The following MAPK10 variants were observed in gnomAD, a reference collection of about 807,000 sequenced individuals.
MAPK10 encodes the protein JNK3 alpha protein kinase.
Under a neutral mutation model 59.3 loss-of-function variants are expected in MAPK10, and 25 were observed. The ratio of observed to expected loss-of-function variants is 0.42; its 90% CI spans 0.31 to 0.59. MAPK10 has a LOEUF of 0.59. Among genes scored for constraint, MAPK10 ranks in the 20% least tolerant of loss-of-function variants. The probability of loss-of-function intolerance (pLI) is 0.15; values close to 1 mark genes in which losing one functional copy is unlikely to be tolerated. For missense variants in MAPK10, 351 were observed against 568.9 expected, an observed-to-expected ratio of 0.62 and a Z score of 3.90; for synonymous variants, 190 against 200.5, an observed-to-expected ratio of 0.95 and a Z score of 0.44.
intron 1 of MAPK10, among the ~76,000 whole-genome samples, chr4:86,483,767 G>C (rs898647330): frequency 1.3e-4 from 20 of 152,158 alleles, no homozygotes; most frequent in Admixed American, 1.2e-3. Flanking sequence ...TCACAGTCTA[G>C]CAGGGAAAAA....
intron 2 of MAPK10, among the ~76,000 whole-genome samples, chr4:86,337,070 T>C (rs1405229199): frequency 6.6e-6 from 1 of 152,170 alleles, no homozygotes; most frequent in African/African-American, 2.4e-5. Context: ...ATTACAGGCA[T>C]GAGCCACCAC....
At chr4:86,475,427 C>T (rs1279711230) in intron 1 of MAPK10, among the ~76,000 whole-genome samples, 1 of 152,122 alleles carries the variant, frequency 6.6e-6, no homozygotes, top group Non-Finnish European at 1.5e-5. Flanking sequence ...TATCCCTCAA[C>T]CTCTTTCTCC....
At chr4:86,585,273 T>C (rs1001839927) in intron 1 of MAPK10, among the ~76,000 whole-genome samples, 18 of 152,226 alleles carry the variant, frequency 1.2e-4, no homozygotes, top group African/African-American at 1.4e-4. Flanking sequence ...AAAAATGAAA[T>C]TGAATGCTAT....
At chr4:86,520,750 G>T (rs1219269905) in intron 1 of MAPK10, among the ~76,000 whole-genome samples, 2 of 152,132 alleles carry the variant, frequency 1.3e-5, no homozygotes, top group Non-Finnish European at 2.9e-5. Flanking sequence ...TTTTTCAGTG[G>T]AAGATTCTGG....
intron 1 of MAPK10, among the ~76,000 whole-genome samples, chr4:86,413,143 C>T (rs1745414382): frequency 1.3e-5 from 2 of 152,150 alleles, no homozygotes; most frequent in South Asian, 4.1e-4. Context: ...TGTGAGTTTT[C>T]CTTCTAACAG....
intron 1 of MAPK10, among the ~76,000 whole-genome samples, chr4:86,359,288 C>CTCTCTCTGTGTGTG (rs796310826): frequency 7.1e-4 from 67 of 94,610 alleles, no homozygotes; most frequent in African/African-American, 2.1e-3. Flanking sequence ...CTCTCTCTCT[C>CTCTCTCTGTGTGTG]TGTGTGTGTG....
At chr4:86,489,736 G>A (rs1754312634) in intron 1 of MAPK10, among the ~76,000 whole-genome samples, 1 of 152,098 alleles carries the variant, frequency 6.6e-6, no homozygotes, top group African/African-American at 2.4e-5. Flanking sequence ...CCCAGGCTAA[G>A]AAGTCACTGC....
intron 4 of MAPK10, among the ~76,000 whole-genome samples, chr4:86,136,171 G>C (rs1430199998): frequency 1.3e-5 from 2 of 152,048 alleles, no homozygotes; most frequent in African/African-American, 4.8e-5. Flanking sequence ...TTCACATTCA[G>C]GAAACACAGA....
chr4:86,264,284 T>C (rs532395424), intron 2 of MAPK10, among the ~76,000 whole-genome samples: 1 of 152,328 alleles, frequency 6.6e-6, no homozygotes, highest in Non-Finnish European at 1.5e-5. Context: ...TGCCAAGATA[T>C]CTGGCACAGT....
intron 11 of MAPK10, among the ~76,000 whole-genome samples, chr4:86,038,679 G>A (rs1177076907): frequency 1.3e-5 from 2 of 151,412 alleles, no homozygotes; most frequent in Non-Finnish European, 2.9e-5. Flanking sequence ...TGTTTTATTT[G>A]GCTAATGGCA....
chr4:86,190,500 C>T lies in MAPK10; in HGVS notation c.66+3836G>A, dbSNP rs146979108. On this transcript the variant is annotated intron_variant, in intron 3 of 13. Transcript: ENST00000641462. Reference sequence around the variant, plus strand: ...AGGGTGTATGTGTCCAGGAATTTAACCATTTTTTCTAGATTTTCAAGTTTA... The same window carrying T: ...AGGGTGTATGTGTCCAGGAATTTAATCATTTTTTCTAGATTTTCAAGTTTA... Among the ~76,000 whole-genome samples, 1,465 of 152,172 alleles carry T rather than the reference C, an allele frequency of 9.6e-3. 35 individuals are homozygous for T. The highest frequency in any genetic ancestry group is 0.034 in the African/African-American group (1,400 of 41,516).
intron 2 of MAPK10, among the ~76,000 whole-genome samples, chr4:86,228,600 C>T (rs1010246537): frequency 1.3e-5 from 2 of 152,164 alleles, no homozygotes; most frequent in Admixed American, 6.6e-5. Flanking sequence ...CCAGGGTGTT[C>T]ACAAGATATT....
At chr4:86,021,820 C>G (rs1241855953) in intron 13 of MAPK10, among the ~76,000 whole-genome samples, 1 of 152,248 alleles carries the variant, frequency 6.6e-6, no homozygotes, top group African/African-American at 2.4e-5. Context: ...GCTGGGGGAC[C>G]CAGTACACCT....
chr4:86,036,145 C>T (rs776895542), intron 11 of MAPK10, among the ~76,000 whole-genome samples: 4 of 152,186 alleles, frequency 2.6e-5, no homozygotes, highest in Non-Finnish European at 5.9e-5. Context: ...AAATGAAGCA[C>T]ATGAGGATTT....
intron 4 of MAPK10, among the ~76,000 whole-genome samples, chr4:86,130,363 A>T (rs1001483801): frequency 7.2e-5 from 11 of 152,190 alleles, no homozygotes; most frequent in African/African-American, 2.7e-4. Flanking sequence ...CTGATCAAGC[A>T]AAGTAGAAGT....
chr4:86,331,083 G>A (rs2096141001), intron 2 of MAPK10, among the ~76,000 whole-genome samples: 1 of 152,098 alleles, frequency 6.6e-6, no homozygotes, highest in South Asian at 2.1e-4. Context: ...AAGACTGTTG[G>A]GATAAACTTA....
intron 11 of MAPK10, among the ~76,000 whole-genome samples, chr4:86,040,190 T>C (rs1176196736): frequency 6.6e-6 from 1 of 151,682 alleles, no homozygotes; most frequent in East Asian, 1.9e-4. Flanking sequence ...ATATATAAAC[T>C]AAGAGACAAA....
At chr4:86,390,827 G>A (rs576534821) in intron 1 of MAPK10, among the ~76,000 whole-genome samples, 2 of 152,256 alleles carry the variant, frequency 1.3e-5, no homozygotes, top group East Asian at 3.9e-4. Flanking sequence ...AAGGTGCTGA[G>A]CTTTAAGCCC....
At chr4:86,313,988 A>G (rs1199176051) in intron 2 of MAPK10, among the ~76,000 whole-genome samples, 1 of 150,200 alleles carries the variant, frequency 6.7e-6, no homozygotes, top group Non-Finnish European at 1.5e-5. Flanking sequence ...CACACAAGGA[A>G]TCCTACAAGC....
Sources: allele counts gnomAD v4.1 joint callset (sites outside exome capture counted in the v4.1 genomes callset), GRCh38; gene constraint gnomAD v4.1.1; transcripts MANE v1.5; gene names NCBI Gene and HGNC (gene_info 2026-07-23, HGNC 2026-07-21).